Variants in GPC4 observed in about 807,000 individuals in gnomAD.
The protein encoded by GPC4 is glypican 4, also known as glypican-4.
In GPC4, 10 loss-of-function variants were observed where a neutral mutation model predicts 35.0. That is an observed-to-expected ratio of 0.29 (90% CI 0.18 to 0.48). The LOEUF (loss-of-function observed/expected upper bound fraction) is 0.48. GPC4 is among the 20% of genes least tolerant of loss of function. The probability of loss-of-function intolerance (pLI) is 0.99; values close to 1 mark genes in which losing one functional copy is unlikely to be tolerated. For synonymous variants in GPC4, 167 were observed against 170.2 expected (o/e 0.98, Z 0.15); for missense variants, 322 against 451.3 (o/e 0.71, Z 2.60).
intron 1 of GPC4, 120 bp from the exon 2 acceptor site, chrX:133,339,461 G>A: frequency 1.9e-6 from 1 of 520,515 alleles, no homozygotes; most frequent in Non-Finnish European, 3.0e-6. Context: ...GGCAACATGT[G>A]TATCTAACAA....
chrX:133,395,658 G>C (rs73239386), intron 1 of GPC4, among the ~76,000 whole-genome samples: 1 of 111,248 alleles, frequency 9.0e-6, no homozygotes, highest in East Asian at 2.8e-4. Flanking sequence ...TTAAACCTTG[G>C]AAGAGAATGG....
intron 1 of GPC4, among the ~76,000 whole-genome samples, chrX:133,355,527 T>G (rs2068538164): frequency 8.9e-6 from 1 of 112,290 alleles, no homozygotes; most frequent in Non-Finnish European, 1.9e-5. Context: ...CTTATTGGTT[T>G]AAAACTCTTC....
intron 1 of GPC4, among the ~76,000 whole-genome samples, chrX:133,399,379 C>T (rs983858218): frequency 9.0e-6 from 1 of 111,719 alleles, no homozygotes; most frequent in Non-Finnish European, 1.9e-5. Context: ...GTATTGTAAA[C>T]AAATGTGAAC....
chrX:133,333,455 AC>A (rs2068429634), intron 2 of GPC4, among the ~76,000 whole-genome samples: 1 of 112,967 alleles, frequency 8.9e-6, no homozygotes, highest in South Asian at 3.6e-4. Flanking sequence ...ACTTCAGATA[AC>A]AACTCAAAAG....
chrX:133,370,636 A>G (rs2068608712), intron 1 of GPC4, among the ~76,000 whole-genome samples: 1 of 111,332 alleles, frequency 9.0e-6, no homozygotes, highest in African/African-American at 3.3e-5. Flanking sequence ...GATGCTTGAA[A>G]TGCTCCAGTT....
At chrX:133,397,653 A>G (rs924979052) in intron 1 of GPC4, among the ~76,000 whole-genome samples, 2 of 112,083 alleles carry the variant, frequency 1.8e-5, no homozygotes, top group Non-Finnish European at 3.8e-5. Flanking sequence ...CCCTATCATA[A>G]GCTCATGCAG....
chrX:133,368,530 C>T (rs1286840298), intron 1 of GPC4, among the ~76,000 whole-genome samples: 2 of 111,611 alleles, frequency 1.8e-5, no homozygotes, highest in African/African-American at 6.5e-5. Flanking sequence ...GACATATCAT[C>T]TAAAAATTGT....
intron 1 of GPC4, among the ~76,000 whole-genome samples, chrX:133,358,553 A>T (rs761168927): frequency 1.8e-3 from 202 of 112,357 alleles, no homozygotes; most frequent in African/African-American, 6.4e-3. Flanking sequence ...TTGGAAATTT[A>T]GACTGTCTAA....
At chrX:133,389,216 T>C (rs2266811) in intron 1 of GPC4, among the ~76,000 whole-genome samples, 52,808 of 108,254 alleles carry the variant, frequency 0.49, 12,107 homozygotes, top group African/African-American at 0.89. Context: ...ACTTCAGCCT[T>C]CCAAACTGCT....
intron 2 of GPC4, among the ~76,000 whole-genome samples, chrX:133,330,345 C>T (rs1051960146): frequency 1.8e-5 from 2 of 110,870 alleles, no homozygotes; most frequent in African/African-American, 6.6e-5. Context: ...TAAAGAGTTA[C>T]ACCCATCGAC....
chrX:133,404,866 A>AAAAAAAAGAAAAG (rs753375530), intron 1 of GPC4, among the ~76,000 whole-genome samples: 5 of 89,272 alleles, frequency 5.6e-5, no homozygotes, highest in African/African-American at 2.1e-4. Context: ...AAAAAAAAAA[A>AAAAAAAAGAAAAG]AAGGTGCAGA....
At chrX:133,406,829 C>T (rs1295660931) in intron 1 of GPC4, among the ~76,000 whole-genome samples, 2 of 106,056 alleles carry the variant, frequency 1.9e-5, no homozygotes, top group African/African-American at 3.4e-5. Flanking sequence ...AATACCAATA[C>T]TTTGGGAGGC....
At position 133,303,172 on chromosome X, in the gene GPC4, C is replaced by A; in HGVS notation, c.1462G>T (p.Asp488Tyr). ...AYNGNDVDFF[D>Y]ISDESSGEGS... Reference sequence around the variant, plus strand: ...TCAAACCACAAATGCTTACTGATATCAAAGAAGTCCACGTCGTTCCCATTG... The same window carrying A: ...TCAAACCACAAATGCTTACTGATATAAAAGAAGTCCACGTCGTTCCCATTG... Residue 488 changes from aspartate to tyrosine, a missense_variant, in exon 8 of 9, where the codon GAT (aspartate) becomes TAT (tyrosine). Physicochemically the swap from Asp to Tyr is radical, Grantham distance 160. This residue lies in a region of GPC4 where 99 missense variants were observed against 110.0 expected (regional missense o/e 0.90). Transcript: ENST00000370828. 1 of 1,211,015 alleles carries A rather than the reference C, an allele frequency of 8.3e-7. No individual in the cohort carries two copies. Among genetic ancestry groups the A allele is most frequent in the Non-Finnish European group, 1.1e-6 (1 of 895,036 alleles).
intron 1 of GPC4, among the ~76,000 whole-genome samples, chrX:133,348,341 C>T (rs1443205731): frequency 8.9e-6 from 1 of 112,411 alleles, no homozygotes; most frequent in East Asian, 2.8e-4. Context: ...GAAGCAACTG[C>T]ATCTATTTTG....
In GPC4 at chrX:133,413,271, A is replaced by G. The variant is rs142404650; in HGVS notation, c.160+1535T>C. On this transcript the variant is annotated intron_variant, in intron 1 of 8. Transcript: ENST00000370828. ...GCTGAAGGGCAAACAGTGTCTAATCAGTAGTGAGCATGTTATTTGGTAACT... is the reference window on the plus strand; with the variant it reads ...GCTGAAGGGCAAACAGTGTCTAATCGGTAGTGAGCATGTTATTTGGTAACT... Among the ~76,000 whole-genome samples the G allele has an allele frequency of 8.8e-3, 988 of 112,195 alleles. 13 individuals are homozygous for G. Among genetic ancestry groups the G allele is most frequent in the African/African-American group, 0.031 (944 of 30,869 alleles).
intron 1 of GPC4, among the ~76,000 whole-genome samples, chrX:133,407,026 A>AG (rs1381096922): frequency 2.8e-5 from 3 of 108,387 alleles, no homozygotes; most frequent in African/African-American, 6.8e-5. Context: ...TAGTAAGTTG[A>AG]GATCACGCCA....
At chrX:133,374,384 AG>A (rs1372786162) in intron 1 of GPC4, among the ~76,000 whole-genome samples, 1 of 112,111 alleles carries the variant, frequency 8.9e-6, no homozygotes, top group Admixed American at 9.4e-5. Flanking sequence ...AACAGACTAA[AG>A]GTGGAAGGTA....
At chrX:133,347,658 G>C (rs1300197452) in intron 1 of GPC4, among the ~76,000 whole-genome samples, 1 of 110,911 alleles carries the variant, frequency 9.0e-6, no homozygotes, top group African/African-American at 3.3e-5. Context: ...TGCTTCATGG[G>C]AACAAAGAAA....
rs762267226 is a variant in GPC4 at position 133,367,361 on chromosome X, G to A, written c.161-28020C>T. ...ATGTAACCTGCTTAGCCAGGAGATCGACTTGATGGTGTCTCCTTCCTCAAC... is the reference window on the plus strand; with the variant it reads ...ATGTAACCTGCTTAGCCAGGAGATCAACTTGATGGTGTCTCCTTCCTCAAC... On this transcript the variant is annotated intron_variant, in intron 1 of 8. Coordinates refer to ENST00000370828, the MANE Select transcript of GPC4 (RefSeq NM_001448.3). Among the ~76,000 whole-genome samples the A allele has an allele frequency of 9.0e-4, 101 of 112,299 alleles. 5 individuals carry two copies. The highest frequency in any genetic ancestry group is 1.9e-4 in the Non-Finnish European group (10 of 53,302).
Sources: gnomAD v4.1 joint callset for allele counts (sites outside exome capture counted in the v4.1 genomes callset) on GRCh38, gnomAD v4.1.1 for gene constraint, gnomAD v4.1.1 regional missense constraint, MANE v1.5 for transcripts, NCBI Gene and HGNC (gene_info 2026-07-23, HGNC 2026-07-21) for gene names.